The following NKAIN3 variants were observed in gnomAD, a reference collection of about 807,000 sequenced individuals.
The protein encoded by NKAIN3 is sodium/potassium transporting ATPase interacting 3.
A neutral mutation model predicts 30.2 loss-of-function variants in NKAIN3; 25 were observed. That is an observed-to-expected ratio of 0.83 (90% CI 0.60 to 1.16). NKAIN3 has a LOEUF of 1.16. NKAIN3 is among the 50% of genes most tolerant of loss of function. NKAIN3 has a pLI of 0.00. For synonymous variants in NKAIN3, 91 were observed against 89.6 expected (o/e 1.02, Z -0.09); for missense variants, 225 against 254.1 (o/e 0.89, Z 0.78).
chr8:62,566,128 A>G (rs746321878), intron 1 of NKAIN3, among the ~76,000 whole-genome samples: 7 of 151,976 alleles, frequency 4.6e-5, no homozygotes, highest in Non-Finnish European at 8.8e-5. Flanking sequence ...GCTTTGTTCT[A>G]CCTTTAGCTT....
At chr8:62,728,192 A>C (rs1815319341) in intron 3 of NKAIN3, among the ~76,000 whole-genome samples, 1 of 152,196 alleles carries the variant, frequency 6.6e-6, no homozygotes, top group Admixed American at 6.5e-5. Flanking sequence ...GTAAAATGCA[A>C]AACTATATAC....
chr8:62,805,251 C>T (rs1182896664), intron 4 of NKAIN3, among the ~76,000 whole-genome samples: 1 of 151,724 alleles, frequency 6.6e-6, no homozygotes, highest in African/African-American at 2.4e-5. Flanking sequence ...GATTCAATGC[C>T]ATCCCCATCA....
intron 3 of NKAIN3, among the ~76,000 whole-genome samples, chr8:62,684,443 T>C (rs891080481): frequency 3.3e-5 from 5 of 152,208 alleles, no homozygotes; most frequent in African/African-American, 1.2e-4. Context: ...TCCCTTTCCA[T>C]GTCACCTTGT....
chr8:62,306,974 A>G (rs1411760609), intron 1 of NKAIN3, among the ~76,000 whole-genome samples: 1 of 150,302 alleles, frequency 6.7e-6, no homozygotes, highest in Non-Finnish European at 1.5e-5. Flanking sequence ...ATACATTGGA[A>G]GAATCAGGAA....
intron 4 of NKAIN3, among the ~76,000 whole-genome samples, chr8:62,884,540 A>C (rs1821086946): frequency 6.6e-6 from 1 of 152,210 alleles, no homozygotes; most frequent in Admixed American, 6.5e-5. Context: ...TACAGGCGTG[A>C]GCCCCTGCGT....
intron 3 of NKAIN3, among the ~76,000 whole-genome samples, chr8:62,722,678 G>A (rs1248136524): frequency 6.6e-6 from 1 of 152,084 alleles, no homozygotes; most frequent in Admixed American, 6.6e-5. Context: ...AGCTACAGTG[G>A]GCAGATGTGG....
At chr8:62,833,978 A>G (rs1586248710) in intron 4 of NKAIN3, among the ~76,000 whole-genome samples, 2 of 152,126 alleles carry the variant, frequency 1.3e-5, no homozygotes, top group African/African-American at 4.8e-5. Context: ...TTAATTCACC[A>G]TGACCAAGTG....
At position 62,323,379 on chromosome 8, in the gene NKAIN3, C is replaced by G. The variant is rs144078853; in HGVS notation, c.54+74252C>G. On this transcript the variant is annotated intron_variant, in intron 1 of 6. Coordinates refer to ENST00000623646, the MANE Select transcript of NKAIN3 (RefSeq NM_001304533.3). ...CGCCATAGTTAACTATGTGTGTAGT[C>G]AAAAATATTGAGGCACGGGAAAGTT... is the stretch of plus-strand genomic sequence containing the variant. 2.6e-3 allele frequency among the ~76,000 whole-genome samples: 401 copies of G among 152,086 alleles called. 1 individual carries two copies. Among genetic ancestry groups the G allele is most frequent in the African/African-American group, 8.9e-3 (371 of 41,488 alleles).
At chr8:62,379,012 A>T (rs1817184082) in intron 1 of NKAIN3, among the ~76,000 whole-genome samples, 1 of 152,184 alleles carries the variant, frequency 6.6e-6, no homozygotes, top group Admixed American at 6.5e-5. Flanking sequence ...TGTACCACAC[A>T]AAGCCACAGG....
intron 1 of NKAIN3, among the ~76,000 whole-genome samples, chr8:62,291,382 T>A (rs1369900621): frequency 5.3e-5 from 8 of 152,360 alleles, no homozygotes; most frequent in African/African-American, 1.9e-4. Flanking sequence ...TTTAGTGCTA[T>A]AAATTTCCCT....
rs374116384 is a variant in NKAIN3 at position 62,374,099 on chromosome 8, C to T, written c.54+124972C>T. Among the ~76,000 whole-genome samples, 647 of 113,514 alleles carry T rather than the reference C, an allele frequency of 5.7e-3. 3 individuals carry two copies. Among genetic ancestry groups the T allele is most frequent in the African/African-American group, 0.023 (620 of 27,038 alleles). 74.5% of individuals were successfully genotyped at this position (113,514 alleles called of 152,430 possible). On this transcript the variant is annotated intron_variant, in intron 1 of 6. Coordinates refer to ENST00000623646, the MANE Select transcript of NKAIN3 (RefSeq NM_001304533.3). ...CTGCACTCCAGCCTGGGTGACAGAG[C>T]GAGACTCCATCTCCAAAAAAAAAAA...
Position 62,308,298 on chromosome 8 carries a change from G to A in NKAIN3, c.54+59171G>A, listed in dbSNP as rs11988957. 9.7e-3 allele frequency among the ~76,000 whole-genome samples: 1,453 copies of A among 150,422 alleles called. 138 individuals carry two copies. Among genetic ancestry groups the A allele is most frequent in the African/African-American group, 0.034 (1,366 of 39,876 alleles). ...CACTTGTATGACTGGGGGTGATTGGGTGCCTTCTGCTTTTGGTGTTTTTGA... is the reference window on the plus strand; with the variant it reads ...CACTTGTATGACTGGGGGTGATTGGATGCCTTCTGCTTTTGGTGTTTTTGA... On this transcript the variant is annotated intron_variant, in intron 1 of 6. Transcript: ENST00000623646.
intron 6 of NKAIN3, among the ~76,000 whole-genome samples, chr8:62,963,579 G>A (rs1245723707): frequency 3.9e-5 from 6 of 152,144 alleles, no homozygotes; most frequent in Non-Finnish European, 7.3e-5. Context: ...TGTATTGGAT[G>A]GATAAATAAA....
intron 4 of NKAIN3, among the ~76,000 whole-genome samples, chr8:62,888,910 A>G (rs1821221952): frequency 6.6e-6 from 1 of 152,190 alleles, no homozygotes; most frequent in African/African-American, 2.4e-5. Context: ...ACAGGTTTTT[A>G]ATGAGACCTT....
At chr8:62,607,656 C>T (rs1811168866) in intron 3 of NKAIN3, among the ~76,000 whole-genome samples, 1 of 151,870 alleles carries the variant, frequency 6.6e-6, no homozygotes, top group East Asian at 1.9e-4. Flanking sequence ...CTTCTTTTTC[C>T]TATTGGTATT....
chr8:62,695,237 G>C (rs934834751), intron 3 of NKAIN3, among the ~76,000 whole-genome samples: 1 of 152,112 alleles, frequency 6.6e-6, no homozygotes, highest in Non-Finnish European at 1.5e-5. Context: ...ACAGGTGAAA[G>C]GGCCAAGTCT....
At chr8:62,963,107 G>T (rs916885300) in intron 6 of NKAIN3, among the ~76,000 whole-genome samples, 4 of 152,130 alleles carry the variant, frequency 2.6e-5, no homozygotes, top group Non-Finnish European at 5.9e-5. Context: ...TGGTCAGGCT[G>T]CTCTCAAACT....
rs545430907 is a variant in NKAIN3 at position 62,550,445 on chromosome 8, T to C, written c.55-29094T>C. On this transcript the variant is annotated intron_variant, in intron 1 of 6. Coordinates refer to ENST00000623646, the MANE Select transcript of NKAIN3 (RefSeq NM_001304533.3). ...TGTGGTGGGGGAGGGAGTTGTTGTT[T>C]TCAGTTGTTGTTTCTCTAAATCTTT... 6.6e-5 allele frequency among the ~76,000 whole-genome samples: 10 copies of C among 152,346 alleles called. No individual in the cohort carries two copies. The South Asian group carries it at 1.9e-3, about 28-fold the overall frequency.
At chr8:62,574,436 C>T (rs144919628) in intron 1 of NKAIN3, among the ~76,000 whole-genome samples, 1 of 152,010 alleles carries the variant, frequency 6.6e-6, no homozygotes, top group Non-Finnish European at 1.5e-5. Context: ...TATGGTAGCT[C>T]TATTTTTAGT....
Sources: allele counts gnomAD v4.1 joint callset (sites outside exome capture counted in the v4.1 genomes callset), GRCh38; gene constraint gnomAD v4.1.1; transcripts MANE v1.5; gene names NCBI Gene and HGNC (gene_info 2026-07-23, HGNC 2026-07-21).